Variants in KDM4B observed in about 807,000 individuals in gnomAD.
KDM4B encodes the protein lysine-specific demethylase 4B.
A neutral mutation model predicts 125.2 loss-of-function variants in KDM4B; 32 were observed. The ratio of observed to expected loss-of-function variants is 0.26; its 90% confidence interval spans 0.19 to 0.34. KDM4B has a LOEUF of 0.34. Ranked by LOEUF, KDM4B falls within the 10% of genes least tolerant of loss-of-function variation. KDM4B has a pLI of 1.00. For synonymous variants in KDM4B, 721 were observed against 677.9 expected (o/e 1.06, Z -0.99); for missense variants, 1,190 against 1,577.7 (o/e 0.75, Z 4.16).
chr19:5,119,986 G>C, intron 11 of KDM4B, 134 bp downstream of exon 11: 1 of 1,176,438 alleles, frequency 8.5e-7, no homozygotes, highest in Non-Finnish European at 1.2e-6. Context: ...TCTTGCCAGG[G>C]TGGGGCATTT....
intron 1 of KDM4B, among the ~76,000 whole-genome samples, chr19:5,001,105 C>T (rs1333383890): frequency 1.3e-5 from 2 of 151,592 alleles, no homozygotes; most frequent in East Asian, 1.9e-4. Flanking sequence ...AATCACAGCT[C>T]GTTGCAGCCT....
chr19:5,123,180 G>A (rs1393965154), intron 11 of KDM4B, among the ~76,000 whole-genome samples: 1 of 152,250 alleles, frequency 6.6e-6, no homozygotes, highest in Admixed American at 6.5e-5. Flanking sequence ...TGTGGCTCTC[G>A]GACACGACCT....
intron 8 of KDM4B, chr19:5,077,774 G>A (rs902178079): frequency 5.5e-6 from 2 of 361,772 alleles, no homozygotes; most frequent in African/African-American, 4.2e-5. Flanking sequence ...TGGAAGGGCA[G>A]GGGCAGGCCC....
intron 6 of KDM4B, 153 bp from the exon 7 acceptor site, chr19:5,070,857 C>A: frequency 3.0e-6 from 2 of 662,090 alleles, no homozygotes; most frequent in Non-Finnish European, 5.0e-6. Flanking sequence ...AGCCCCCACC[C>A]CCGGCCATCC....
intron 11 of KDM4B, among the ~76,000 whole-genome samples, chr19:5,123,805 T>C (rs78138062): frequency 0.063 from 9,633 of 152,280 alleles, 358 homozygotes; most frequent in African/African-American, 0.09. Flanking sequence ...GGCCTCCTGT[T>C]TTCTGAGCAG....
rs1402022715 is a variant in KDM4B, at chr19:5,082,338, G to A, written c.781-29G>A. 1.2e-6 allele frequency: 2 copies of A among 1,612,630 alleles called. No homozygotes were observed. Among genetic ancestry groups the A allele is most frequent in the East Asian group, 2.2e-5 (1 of 44,836 alleles). ...CCCCTGGTGCGCCTCTGGTGGCCCT[G>A]CCCTCACCTGTCTCCTTTCCCTCTG... On this transcript the variant is annotated intron_variant, in intron 8 of 22. Transcript: ENST00000159111. The surrounding 1 kb of genome is among the most constrained non-coding windows in gnomAD (Gnocchi z 5.4).
At chr19:5,109,003 A>G (rs575766470) in intron 9 of KDM4B, among the ~76,000 whole-genome samples, 2 of 152,290 alleles carry the variant, frequency 1.3e-5, no homozygotes, top group South Asian at 2.1e-4. Flanking sequence ...TAGACCAGCA[A>G]TTTCCAAACT....
chr19:5,085,181 G>T (rs903861846), intron 9 of KDM4B, among the ~76,000 whole-genome samples: 1 of 152,210 alleles, frequency 6.6e-6, no homozygotes, highest in Non-Finnish European at 1.5e-5. Context: ...AGCAGGGAAG[G>T]CTTGAGAGAT....
intron 13 of KDM4B, 141 bp downstream of exon 13, chr19:5,132,148 C>G: frequency 9.1e-7 from 1 of 1,096,162 alleles, no homozygotes; most frequent in Non-Finnish European, 1.3e-6. Flanking sequence ...TTCTGTGGCT[C>G]TGCCGTAGCG....
intron 9 of KDM4B, among the ~76,000 whole-genome samples, chr19:5,103,876 TA>T (rs2038985220): frequency 6.6e-6 from 1 of 152,182 alleles, no homozygotes; most frequent in Non-Finnish European, 1.5e-5. Context: ...CCTTGGTCCT[TA>T]AGGAGGTGAA....
intron 11 of KDM4B, among the ~76,000 whole-genome samples, chr19:5,126,836 T>C (rs2039458191): frequency 6.6e-6 from 1 of 152,160 alleles, no homozygotes; most frequent in African/African-American, 2.4e-5. Context: ...GGCCCAGGCA[T>C]GGAAGCCAAG....
At chr19:5,132,112 G>C (rs2039568886) in intron 13 of KDM4B, 105 bp downstream of exon 13, 5 of 1,369,020 alleles carry the variant, frequency 3.7e-6, no homozygotes, top group Admixed American at 2.7e-5. Context: ...CCCACTTCCT[G>C]GGTCTCCTCC....
At chr19:5,102,299 G>A (rs1347931167) in intron 9 of KDM4B, among the ~76,000 whole-genome samples, 2 of 152,222 alleles carry the variant, frequency 1.3e-5, no homozygotes, top group African/African-American at 2.4e-5. Flanking sequence ...GGGCTTGCCA[G>A]CCTACCAAGG....
At chr19:4,987,021 ATC>A (rs1254387020) in intron 1 of KDM4B, among the ~76,000 whole-genome samples, 1 of 151,594 alleles carries the variant, frequency 6.6e-6, no homozygotes, top group Non-Finnish European at 1.5e-5. Flanking sequence ...TAGTGGCACA[ATC>A]TCTCGGCTCA....
chr19:5,079,876 G>GT (rs908478936), intron 8 of KDM4B, among the ~76,000 whole-genome samples: 22 of 151,884 alleles, frequency 1.4e-4, no homozygotes, highest in African/African-American at 5.1e-4. Context: ...CAGTAATTAG[G>GT]TTTTTTTTTA....
intron 5 of KDM4B, among the ~76,000 whole-genome samples, chr19:5,045,194 T>C (rs1405214420): frequency 4.6e-5 from 7 of 152,212 alleles, no homozygotes. Context: ...AGGGCCCCGC[T>C]TCCCCGCCCC....
At chr19:5,137,195 G>C in intron 15 of KDM4B, 67 bp from the exon 16 acceptor site, 2 of 1,183,850 alleles carry the variant, frequency 1.7e-6, no homozygotes, top group Non-Finnish European at 2.4e-6. Context: ...CCCTCCCCCT[G>C]AGTTTCACTC....
In KDM4B at chr19:5,081,840, G is replaced by A. The variant is rs949098828; in HGVS notation, c.781-527G>A. Reference sequence around the variant, plus strand: ...TTCCTTTCTCATGCGAGGGCAGAAGGTGTCCTGAGCGCGTGCAGTGTCTTG... The same window carrying A: ...TTCCTTTCTCATGCGAGGGCAGAAGATGTCCTGAGCGCGTGCAGTGTCTTG... On this transcript the variant is annotated intron_variant, in intron 8 of 22. Coordinates refer to ENST00000159111, the MANE Select transcript of KDM4B (RefSeq NM_015015.3). This position sits in a 1 kb window ranked among gnomAD's most constrained non-coding sequence, Gnocchi z 4.2. 2.6e-5 allele frequency among the ~76,000 whole-genome samples: 4 copies of A among 152,174 alleles called. No individual in the cohort carries two copies. The highest frequency in any genetic ancestry group is 2.1e-4 in the South Asian group (1 of 4,826).
At chr19:5,119,903 G>A in intron 11 of KDM4B, 51 bp downstream of exon 11, 1 of 1,536,372 alleles carries the variant, frequency 6.5e-7, no homozygotes, top group Non-Finnish European at 8.7e-7. Flanking sequence ...CACCCCCGTG[G>A]GCATCTCCTA....
Sources: allele counts gnomAD v4.1 joint callset (sites outside exome capture counted in the v4.1 genomes callset), GRCh38; gene constraint gnomAD v4.1.1; non-coding constraint Gnocchi (gnomAD v3.1); transcripts MANE v1.5; gene names NCBI Gene and HGNC (gene_info 2026-07-23, HGNC 2026-07-21).